The following LGR6 variants were observed in gnomAD, a reference collection of about 807,000 sequenced individuals.
LGR6 encodes the protein leucine-rich repeat-containing G protein-coupled receptor 6.
LGR6 carries 45 observed loss-of-function variants against 69.4 expected under a neutral mutation model. The observed-to-expected ratio is 0.65, with a 90% CI of 0.51 to 0.83. LGR6 has a LOEUF of 0.83. Ranked by LOEUF, LGR6 falls within the 40% of genes least tolerant of loss-of-function variation. LGR6 has a pLI of 0.00. For missense variants in LGR6, 1,108 were observed against 1,246.7 expected, an observed-to-expected ratio of 0.89 and a Z score of 1.68; for synonymous variants, 538 against 555.0, an observed-to-expected ratio of 0.97 and a Z score of 0.43.
chr1:202,303,214 A>G lies in LGR6; in HGVS notation c.930-65A>G, dbSNP rs138552736. 2,054 of 1,212,670 alleles carry G rather than the reference A, an allele frequency of 1.7e-3. 55 individuals carry two copies. In the Admixed American group the frequency reaches 0.031, roughly 18 times the overall value. The allele number at this position is 1,212,670 out of a possible 1,614,324, so 75.1% of individuals were successfully genotyped here. A position where few individuals can be genotyped will look rare whatever the true frequency, so the allele number is the denominator to read the frequency against. ...TCCCGGAGGGGAGACAAAATGGAGA[A>G]TTGAGAGTCTTGATGTTGAGATGCT... is the stretch of plus-strand genomic sequence containing the variant. On this transcript the variant is annotated intron_variant, in intron 9 of 17. Coordinates refer to ENST00000367278, the MANE Select transcript of LGR6 (RefSeq NM_001017403.2).
chr1:202,301,346 A>G (rs1009458426), intron 9 of LGR6, 111 bp downstream of exon 9: 3 of 915,332 alleles, frequency 3.3e-6, no homozygotes, highest in Non-Finnish European at 5.2e-6. Context: ...GCACAAGTCC[A>G]CTGCAAAGCG....
intron 4 of LGR6, among the ~76,000 whole-genome samples, chr1:202,253,223 G>C (rs1452461581): frequency 6.6e-6 from 1 of 152,078 alleles, no homozygotes; most frequent in Non-Finnish European, 1.5e-5. Flanking sequence ...TGGTTGTTTT[G>C]AAGACTCATG....
chr1:202,241,110 A>C (rs1308748234), intron 4 of LGR6, among the ~76,000 whole-genome samples: 1 of 152,124 alleles, frequency 6.6e-6, no homozygotes, highest in Non-Finnish European at 1.5e-5. Context: ...CCGCCTTTTG[A>C]TGGCTTTCAC....
intron 12 of LGR6, 73 bp from the exon 13 acceptor site, chr1:202,306,795 C>T: frequency 1.5e-6 from 2 of 1,368,300 alleles, no homozygotes; most frequent in African/African-American, 1.4e-5. Context: ...TTCTTCCTCC[C>T]AGTGCTCGGG....
intron 17 of LGR6, among the ~76,000 whole-genome samples, chr1:202,315,326 GTC>G (rs1312373014): frequency 3.3e-5 from 5 of 152,186 alleles, no homozygotes; most frequent in African/African-American, 1.2e-4. Flanking sequence ...GAAGATTACA[GTC>G]TCTGTTAAAA....
At chr1:202,217,288 T>C (rs1362342481) in intron 1 of LGR6, among the ~76,000 whole-genome samples, 1 of 152,128 alleles carries the variant, frequency 6.6e-6, no homozygotes, top group Non-Finnish European at 1.5e-5. Context: ...TTCCCAAATC[T>C]AGCATTTTTG....
In LGR6 at chr1:202,238,792, A is replaced by G. The variant is rs531684489; in HGVS notation, c.428+2799A>G. On this transcript the variant is annotated intron_variant, in intron 4 of 17. Transcript: ENST00000367278. ...CAGAGTTGAGCCTTGAAAGACTAGT[A>G]TGAATCAGGTGAAGAGGCGGGGAAT... 1.1e-4 allele frequency among the ~76,000 whole-genome samples: 17 copies of G among 151,792 alleles called. No homozygotes were observed. In the South Asian group the frequency reaches 3.5e-3, roughly 32 times the overall value.
chr1:202,222,615 T>C (rs180841338), intron 1 of LGR6, among the ~76,000 whole-genome samples: 3 of 152,240 alleles, frequency 2.0e-5, no homozygotes, highest in Admixed American at 2.0e-4. Context: ...GCCTCCTGCC[T>C]CACTGAGAAT....
At chr1:202,274,093 A>G (rs910400905) in intron 4 of LGR6, among the ~76,000 whole-genome samples, 2 of 152,064 alleles carry the variant, frequency 1.3e-5, no homozygotes, top group Non-Finnish European at 2.9e-5. Flanking sequence ...GAGAGCCCTC[A>G]CCACAATAGA....
intron 4 of LGR6, among the ~76,000 whole-genome samples, chr1:202,247,261 G>T (rs187467454): frequency 1.1e-4 from 16 of 151,006 alleles, no homozygotes; most frequent in African/African-American, 4.0e-4. Context: ...TCACTTGGGA[G>T]TATAAGTGCA....
At chr1:202,236,066 C>A in intron 4 of LGR6, 73 bp downstream of exon 4, 1 of 1,287,760 alleles carries the variant, frequency 7.8e-7, no homozygotes, top group Non-Finnish European at 1.1e-6. Flanking sequence ...GGCCCCCTGC[C>A]TCAGCTTTCC....
intron 6 of LGR6, among the ~76,000 whole-genome samples, chr1:202,282,198 G>A (rs990518424): frequency 6.6e-6 from 1 of 152,192 alleles, no homozygotes; most frequent in East Asian, 1.9e-4. Flanking sequence ...GCCACTGTGC[G>A]TGACTTGGGC....
chr1:202,286,116 A>G (rs1666376609), intron 6 of LGR6, among the ~76,000 whole-genome samples: 1 of 152,192 alleles, frequency 6.6e-6, no homozygotes, highest in Non-Finnish European at 1.5e-5. Context: ...TCATCTTGAG[A>G]TTTTTAATTC....
chr1:202,233,035 A>G (rs1051743685), intron 3 of LGR6, among the ~76,000 whole-genome samples: 10 of 152,176 alleles, frequency 6.6e-5, no homozygotes, highest in African/African-American at 2.2e-4. Context: ...GCTGACCTCC[A>G]GCTTGATGGG....
At chr1:202,251,252 C>T (rs1031412498) in intron 4 of LGR6, among the ~76,000 whole-genome samples, 1 of 152,118 alleles carries the variant, frequency 6.6e-6, no homozygotes, top group African/African-American at 2.4e-5. Flanking sequence ...TTGTCAGAGC[C>T]TGCACGCTCG....
At chr1:202,204,440 CA>C in intron 1 of LGR6, among the ~76,000 whole-genome samples, 2 of 96,410 alleles carry the variant, frequency 2.1e-5, no homozygotes, top group African/African-American at 3.8e-5. Flanking sequence ...AACACACACA[CA>C]CACCTCCACA....
At position 202,298,816 on chromosome 1, in the gene LGR6, C is replaced by T. The variant is rs569082698; in HGVS notation, c.785+1240C>T. 65 of 152,372 alleles carry T rather than the reference C, an allele frequency of 4.3e-4. 4 individuals carry two copies. The East Asian group carries it at 8.2e-3, about 19-fold the overall frequency. The allele number at this position is 152,372 out of a possible 1,614,324, so 9.4% of individuals were successfully genotyped here. On this transcript the variant is annotated intron_variant, in intron 7 of 17. Coordinates refer to ENST00000367278, the MANE Select transcript of LGR6 (RefSeq NM_001017403.2). ...GATTACAGGTGTGAGCCACTGCGCC[C>T]GGCCAGCTTAGTATCTTTATAGCTC...
chr1:202,211,258 C>T (rs1447946400), intron 1 of LGR6, among the ~76,000 whole-genome samples: 1 of 152,158 alleles, frequency 6.6e-6, no homozygotes, highest in Non-Finnish European at 1.5e-5. Flanking sequence ...AATAAACATC[C>T]AATTTCATTT....
intron 4 of LGR6, among the ~76,000 whole-genome samples, chr1:202,269,088 T>C (rs1664896580): frequency 6.6e-6 from 1 of 152,062 alleles, no homozygotes; most frequent in Admixed American, 6.6e-5. Flanking sequence ...AATTTTTTTC[T>C]AGAGAGGGTG....
Sources: gnomAD v4.1 joint callset for allele counts (sites outside exome capture counted in the v4.1 genomes callset) on GRCh38, gnomAD v4.1.1 for gene constraint, MANE v1.5 for transcripts, NCBI Gene and HGNC (gene_info 2026-07-23, HGNC 2026-07-21) for gene names.